Variants in ZNF609 observed in about 807,000 individuals in gnomAD.
The protein encoded by ZNF609 is zinc finger protein 609.
ZNF609 carries 11 observed loss-of-function variants against 109.5 expected under a neutral mutation model. The observed-to-expected ratio is 0.10, with a 90% CI of 0.06 to 0.17. The LOEUF is 0.17. Among genes scored for constraint, ZNF609 ranks in the 10% least tolerant of loss-of-function variants. The pLI is 1.00. For synonymous variants in ZNF609, 646 were observed against 662.0 expected (o/e 0.98, Z 0.37); for missense variants, 1,559 against 1,772.4 (o/e 0.88, Z 2.16).
chr15:64,481,972 A>T (rs765972224), intron 1 of ZNF609, among the ~76,000 whole-genome samples: 23 of 151,426 alleles, frequency 1.5e-4, no homozygotes, highest in Non-Finnish European at 3.2e-4. Context: ...TTTAGCAGAG[A>T]TGGGGTTTCA....
intron 3 of ZNF609, among the ~76,000 whole-genome samples, chr15:64,639,698 A>G (rs150696362): frequency 5.3e-5 from 8 of 152,288 alleles, no homozygotes; most frequent in African/African-American, 7.2e-5. Flanking sequence ...TAGAACTTCA[A>G]TATACCTTTT....
intron 1 of ZNF609, among the ~76,000 whole-genome samples, chr15:64,497,169 T>A (rs1893493426): frequency 6.6e-6 from 1 of 152,206 alleles, no homozygotes; most frequent in South Asian, 2.1e-4. Context: ...AGTAACTTTT[T>A]TCATAGTTTG....
chr15:64,582,532 C>T (rs887236784), intron 2 of ZNF609, among the ~76,000 whole-genome samples: 7 of 152,148 alleles, frequency 4.6e-5, no homozygotes, highest in Middle Eastern at 3.4e-3. Context: ...TTACTTTCTT[C>T]GCTACATTGT....
chr15:64,513,350 CA>C (rs893106433), intron 2 of ZNF609, among the ~76,000 whole-genome samples: 1 of 152,152 alleles, frequency 6.6e-6, no homozygotes, highest in Non-Finnish European at 1.5e-5. Flanking sequence ...AGGCATTTTT[CA>C]TTTTGCTTGT....
Position 64,603,636 on chromosome 15 carries a change from A to G in ZNF609, c.748-19191A>G, listed in dbSNP as rs1595735171. On this transcript the variant is annotated intron_variant, in intron 2 of 9. Coordinates refer to ENST00000326648, the MANE Select transcript of ZNF609 (RefSeq NM_015042.2). Reference sequence around the variant, plus strand: ...CCCTCCAACCCCTTTATGCCAAACTATTGTGGCCTCTATTGCACCTGACTA... The same window carrying G: ...CCCTCCAACCCCTTTATGCCAAACTGTTGTGGCCTCTATTGCACCTGACTA... Among the ~76,000 whole-genome samples, 4 of 151,850 alleles carry G rather than the reference A, an allele frequency of 2.6e-5. No individual in the cohort carries two copies. The East Asian group carries it at 5.8e-4, about 22-fold the overall frequency.
rs559127629 is a variant in ZNF609 at position 64,678,401 on chromosome 15, G to T, written c.3688G>T (p.Gly1230Cys). Residue 1230 changes from glycine (G) to cysteine (C), a missense_variant, in exon 6 of 10, where the codon GGC becomes TGC. Gly to Cys is a radical substitution (Grantham distance 159). Transcript: ENST00000326648. ...CCAGTCCTACATCCCCTACATGCAC[G>T]GCTATTCCTACAGTCAGTCCTACGA... ...QHQSYIPYMH[G>C]YSYSQSYDPN... 2 of 1,613,618 alleles carry T rather than the reference G, an allele frequency of 1.2e-6. No homozygotes were observed. The highest frequency in any genetic ancestry group is 2.2e-5 in the East Asian group (1 of 44,884).
chr15:64,623,662 C>A (rs755597820), intron 3 of ZNF609, among the ~76,000 whole-genome samples: 1 of 152,094 alleles, frequency 6.6e-6, no homozygotes, highest in Non-Finnish European at 1.5e-5. Flanking sequence ...GTTGCTGTTG[C>A]CCAAGGCATC....
chr15:64,635,120 A>G (rs1181729740), intron 3 of ZNF609, among the ~76,000 whole-genome samples: 3 of 152,122 alleles, frequency 2.0e-5, no homozygotes, highest in African/African-American at 2.4e-5. Flanking sequence ...CCCTTTGTGC[A>G]TGCTCACACA....
At chr15:64,631,399 G>A in intron 3 of ZNF609, 1 of 731,420 alleles carries the variant, frequency 1.4e-6, no homozygotes, top group Non-Finnish European at 2.5e-6. Context: ...GGACACTGTA[G>A]ACTCTTCCAG....
chr15:64,640,813 A>C (rs1465825606), intron 3 of ZNF609, among the ~76,000 whole-genome samples: 1 of 152,228 alleles, frequency 6.6e-6, no homozygotes, highest in Non-Finnish European at 1.5e-5. Context: ...AGAGGAAAGG[A>C]AGGATATACG....
At chr15:64,588,506 T>C (rs1384297691) in intron 2 of ZNF609, among the ~76,000 whole-genome samples, 2 of 151,418 alleles carry the variant, frequency 1.3e-5, no homozygotes, top group African/African-American at 4.8e-5. Context: ...TCTTGTTTTC[T>C]TGTTTTTTGT....
chr15:64,494,207 T>C (rs1322627166), intron 1 of ZNF609, among the ~76,000 whole-genome samples: 1 of 152,192 alleles, frequency 6.6e-6, no homozygotes, highest in East Asian at 1.9e-4. Flanking sequence ...TTGGAGTAGC[T>C]TTCTAGTAGG....
intron 2 of ZNF609, chr15:64,501,147 C>T (rs1893555743): frequency 6.6e-6 from 1 of 152,232 alleles, no homozygotes; most frequent in Non-Finnish European, 1.5e-5. Context: ...CTCTGCTCAT[C>T]CTGTGCTTTC....
At chr15:64,635,794 T>G (rs982111940) in intron 3 of ZNF609, among the ~76,000 whole-genome samples, 4 of 152,228 alleles carry the variant, frequency 2.6e-5, no homozygotes, top group Non-Finnish European at 5.9e-5. Flanking sequence ...AAGCTATTGC[T>G]ACTGAGGCTG....
rs547361945 is a variant in ZNF609, at chr15:64,594,874, A to C, written c.748-27953A>C. Among the ~76,000 whole-genome samples the C allele has an allele frequency of 4.6e-5, 7 of 150,836 alleles. No homozygotes were observed. The East Asian group carries it at 1.2e-3, about 26-fold the overall frequency. On this transcript the variant is annotated intron_variant, in intron 2 of 9. Transcript: ENST00000326648. ...ACCTCGTCTCTACTAAAAATACAAA[A>C]AATTAGCCGGGCGCAGTGGCGGGTG...
chr15:64,516,754 A>T (rs939170633), intron 2 of ZNF609, among the ~76,000 whole-genome samples: 3 of 152,106 alleles, frequency 2.0e-5, no homozygotes, highest in Non-Finnish European at 2.9e-5. Context: ...ATATATATAT[A>T]TTTTTAATCT....
intron 2 of ZNF609, among the ~76,000 whole-genome samples, chr15:64,541,426 CAAAAAAAAAA>C (rs34461479): frequency 1.5e-5 from 1 of 67,832 alleles, no homozygotes; most frequent in Non-Finnish European, 3.2e-5. Flanking sequence ...GACTCCGTCT[CAAAAAAAAAA>C]AAAAAAAAAG....
chr15:64,652,264 T>G (rs1220228481), intron 3 of ZNF609, among the ~76,000 whole-genome samples: 3 of 152,172 alleles, frequency 2.0e-5, no homozygotes, highest in African/African-American at 7.2e-5. Context: ...CCTCAAGTGA[T>G]CTGCCCACCT....
chr15:64,555,167 C>G (rs1894558575), intron 2 of ZNF609, among the ~76,000 whole-genome samples: 3 of 151,716 alleles, frequency 2.0e-5, no homozygotes, highest in African/African-American at 7.3e-5. Context: ...GAGTTCAAGA[C>G]TGGCCTAGGC....
Sources: allele counts gnomAD v4.1 joint callset (sites outside exome capture counted in the v4.1 genomes callset), GRCh38; gene constraint gnomAD v4.1.1; transcripts MANE v1.5; gene names NCBI Gene and HGNC (gene_info 2026-07-23, HGNC 2026-07-21).